The following SPRED2 variants were observed in gnomAD, a reference collection of about 807,000 sequenced individuals.
The protein encoded by SPRED2 is sprouty-related, EVH1 domain-containing protein 2.
Under a neutral mutation model 43.0 loss-of-function variants are expected in SPRED2, and 47 were observed. The observed-to-expected ratio is 1.09, with a 90% CI of 0.87 to 1.40. SPRED2 has a LOEUF of 1.40. SPRED2 is among the 40% of genes most tolerant of loss of function. The pLI is 0.00. For missense variants in SPRED2, 561 were observed against 586.4 expected (o/e 0.96, Z 0.45); for synonymous variants, 225 against 225.7 (o/e 1.00, Z 0.03).
At chr2:65,396,262 T>C (rs1479176331) in intron 1 of SPRED2, among the ~76,000 whole-genome samples, 1 of 152,232 alleles carries the variant, frequency 6.6e-6, no homozygotes, top group African/African-American at 2.4e-5. Context: ...CTTCCCTCTC[T>C]GCACAGATAA....
At chr2:65,340,250 G>C (rs1674138968) in intron 2 of SPRED2, among the ~76,000 whole-genome samples, 1 of 152,168 alleles carries the variant, frequency 6.6e-6, no homozygotes, top group African/African-American at 2.4e-5. Context: ...GGAGTGTAAA[G>C]GGATCCTGAG....
At chr2:65,419,470 C>T (rs996645872) in intron 1 of SPRED2, among the ~76,000 whole-genome samples, 4 of 152,144 alleles carry the variant, frequency 2.6e-5, no homozygotes, top group Admixed American at 1.3e-4. Flanking sequence ...CCCACACTTA[C>T]GTTCTTATAT....
At chr2:65,402,661 G>A (rs1207510666) in intron 1 of SPRED2, among the ~76,000 whole-genome samples, 1 of 152,164 alleles carries the variant, frequency 6.6e-6, no homozygotes, top group Non-Finnish European at 1.5e-5. Context: ...TGAAGGCATA[G>A]GAATTCCTAT....
At chr2:65,351,725 A>G (rs996725487) in intron 1 of SPRED2, among the ~76,000 whole-genome samples, 13 of 152,258 alleles carry the variant, frequency 8.5e-5, no homozygotes, top group African/African-American at 3.1e-4. Flanking sequence ...TATAAAATAC[A>G]TATGACTAGT....
chr2:65,371,564 C>T (rs891358261), intron 1 of SPRED2, among the ~76,000 whole-genome samples: 12 of 152,014 alleles, frequency 7.9e-5, no homozygotes, highest in East Asian at 1.9e-4. Flanking sequence ...CTAGTAGAGC[C>T]GGGCCTTCAG....
At chr2:65,335,944 A>G (rs1308458961) in intron 2 of SPRED2, among the ~76,000 whole-genome samples, 1 of 152,246 alleles carries the variant, frequency 6.6e-6, no homozygotes, top group African/African-American at 2.4e-5. Context: ...ATTTACCGCA[A>G]TGTGATCTTA....
intron 1 of SPRED2, among the ~76,000 whole-genome samples, chr2:65,382,014 G>C (rs1258019657): frequency 3.9e-5 from 6 of 152,128 alleles, no homozygotes; most frequent in African/African-American, 1.4e-4. Flanking sequence ...ATATGTCTGC[G>C]CTTGAGTAAC....
chr2:65,338,650 G>A (rs1487392357), intron 2 of SPRED2, among the ~76,000 whole-genome samples: 2 of 151,534 alleles, frequency 1.3e-5, no homozygotes, highest in East Asian at 3.9e-4. Context: ...GCTCGCTACG[G>A]CCTCCACCTC....
rs1368502415 is a variant in SPRED2 at position 65,338,297 on chromosome 2, C to CG, written c.205-3525_205-3524insC. On this transcript the variant is annotated intron_variant, in intron 2 of 5. Transcript: ENST00000356388. The stretch of plus-strand genomic sequence containing the variant: ...CTCTCCCTCTCCCGTCTCCCTCTCC[C>CG]TCTCCCGTCTCCCTCTCCCTCTCCT... Among the ~76,000 whole-genome samples, 12 of 111,030 alleles carry CG rather than the reference C, an allele frequency of 1.1e-4. 1 individual carries two copies. Among genetic ancestry groups the CG allele is most frequent in the Non-Finnish European group, 2.2e-4 (10 of 45,244 alleles). 72.8% of individuals were successfully genotyped at this position (111,030 alleles called of 152,430 possible).
chr2:65,355,018 G>C (rs370971930), intron 1 of SPRED2, among the ~76,000 whole-genome samples: 2 of 152,234 alleles, frequency 1.3e-5, no homozygotes, highest in Non-Finnish European at 2.9e-5. Flanking sequence ...GGCCTGGGGG[G>C]ACTGGCAGGA....
chr2:65,366,327 A>ACAACAACAAAG (rs2104330155), intron 1 of SPRED2, among the ~76,000 whole-genome samples: 1 of 152,346 alleles, frequency 6.6e-6, no homozygotes, highest in South Asian at 2.1e-4. Context: ...CAACAACAAA[A>ACAACAACAAAG]CATTTCTATC....
chr2:65,369,945 C>T (rs868256641), intron 1 of SPRED2, among the ~76,000 whole-genome samples: 4 of 152,190 alleles, frequency 2.6e-5, no homozygotes, highest in Non-Finnish European at 5.9e-5. Flanking sequence ...CACTGATCCT[C>T]GGCAGGTAAG....
In SPRED2 at chr2:65,347,566, C is replaced by T. The variant is rs367928677; in HGVS notation, c.27-2670G>A. Among the ~76,000 whole-genome samples, 21 of 152,200 alleles carry T rather than the reference C, an allele frequency of 1.4e-4. No individual in the cohort carries two copies. The East Asian group carries it at 1.7e-3, about 13-fold the overall frequency. ...TCGCCTGTGCCCACCACCATGCCTACGCTTTGTACCAGCACTCTCTCCGCC... is the reference window on the plus strand; with the variant it reads ...TCGCCTGTGCCCACCACCATGCCTATGCTTTGTACCAGCACTCTCTCCGCC... On this transcript the variant is annotated intron_variant, in intron 1 of 5. Transcript: ENST00000356388.
intron 2 of SPRED2, among the ~76,000 whole-genome samples, chr2:65,342,391 T>TATA (rs1674218892): frequency 6.8e-6 from 1 of 147,936 alleles, no homozygotes; most frequent in African/African-American, 2.5e-5. Context: ...ATTTTGTATA[T>TATA]GTATATATGT....
rs546949136 is a variant in SPRED2, at chr2:65,381,019, C to T, written c.27-36123G>A. On this transcript the variant is annotated intron_variant, in intron 1 of 5. Coordinates refer to ENST00000356388, the MANE Select transcript of SPRED2 (RefSeq NM_181784.3). ...CTGAGGAAGGCGCTCTTAGGATCCC[C>T]ATTTTAGAACTGGGGAAACTGCTGC... Among the ~76,000 whole-genome samples the T allele has an allele frequency of 6.6e-5, 10 of 152,298 alleles. No homozygotes were observed. The South Asian group carries it at 2.1e-3, about 32-fold the overall frequency.
intron 5 of SPRED2, among the ~76,000 whole-genome samples, chr2:65,316,477 C>T (rs1350267071): frequency 6.6e-6 from 1 of 152,234 alleles, no homozygotes; most frequent in Admixed American, 6.5e-5. Flanking sequence ...AGGCTGAAGA[C>T]TTGCCTTGTG....
chr2:65,407,935 G>T (rs1278460922), intron 1 of SPRED2, among the ~76,000 whole-genome samples: 2 of 152,196 alleles, frequency 1.3e-5, no homozygotes, highest in Non-Finnish European at 2.9e-5. Context: ...GAGGTCTAAA[G>T]GGGCAAGAAG....
At chr2:65,389,328 C>T (rs1675579094) in intron 1 of SPRED2, among the ~76,000 whole-genome samples, 1 of 151,554 alleles carries the variant, frequency 6.6e-6, no homozygotes, top group South Asian at 2.1e-4. Context: ...TAAAGACACC[C>T]TACTTTTACA....
intron 1 of SPRED2, among the ~76,000 whole-genome samples, chr2:65,392,677 A>G (rs1675665905): frequency 6.6e-6 from 1 of 152,236 alleles, no homozygotes; most frequent in Non-Finnish European, 1.5e-5. Context: ...TGTTGAAATG[A>G]GGAAATTGTT....
Sources: allele counts gnomAD v4.1 joint callset (sites outside exome capture counted in the v4.1 genomes callset), GRCh38; gene constraint gnomAD v4.1.1; transcripts MANE v1.5; gene names NCBI Gene and HGNC (gene_info 2026-07-23, HGNC 2026-07-21).